The following MYOF variants were observed in gnomAD, a reference collection of about 807,000 sequenced individuals.
The protein encoded by MYOF is fer-1-like 3, myoferlin.
A neutral mutation model predicts 284.2 loss-of-function variants in MYOF; 244 were observed. That is an observed-to-expected ratio of 0.86 (90% CI 0.77 to 0.95). The LOEUF (loss-of-function observed/expected upper bound fraction) is 0.95, where lower values mean the gene tolerates loss of function less well. Ranked by LOEUF, MYOF falls within the 40% of genes least tolerant of loss-of-function variation. The probability of loss-of-function intolerance (pLI) is 0.00; values close to 1 mark genes in which losing one functional copy is unlikely to be tolerated. For missense variants in MYOF, 2,496 were observed against 2,560.6 expected (o/e 0.97, Z 0.54); for synonymous variants, 904 against 919.7 (o/e 0.98, Z 0.31).
chr10:93,389,362 C>T (rs931363345), intron 17 of MYOF, among the ~76,000 whole-genome samples: 44 of 152,160 alleles, frequency 2.9e-4, no homozygotes, highest in African/African-American at 9.6e-4. Context: ...TTGGGGGTAG[C>T]GCAGATAAAC....
chr10:93,447,336 C>T (rs111756525), intron 3 of MYOF, among the ~76,000 whole-genome samples: 2 of 152,060 alleles, frequency 1.3e-5, no homozygotes, highest in African/African-American at 4.8e-5. Flanking sequence ...CTAGTGTAAA[C>T]TGACTCAAAG....
intron 1 of MYOF, among the ~76,000 whole-genome samples, chr10:93,457,399 C>T (rs2134329385): frequency 6.6e-6 from 1 of 152,272 alleles, no homozygotes; most frequent in South Asian, 2.1e-4. Context: ...TGCTAAGATG[C>T]CAACACAGCT....
At position 93,333,768 on chromosome 10, in the gene MYOF, T is replaced by A. The variant is rs1241933640; in HGVS notation, c.4709A>T (p.Asn1570Ile). The A allele has an allele frequency of 6.2e-7, 1 of 1,614,158 alleles. No individual in the cohort carries two copies. The highest frequency in any genetic ancestry group is 1.1e-5 in the South Asian group (1 of 91,078). ...CACCCAAACTCTTACCAGGCCATTG[T>A]TGTCCTGGGGCTGGAGCTCTAAGCC... ...VRGLELQPQD[N>I]NGLCDPYIKI... The change falls in exon 42 of 54, where the codon AAC becomes ATC. Residue 1570 changes from asparagine to isoleucine, a missense_variant. By Grantham distance (149) the Asn-to-Ile change is moderately radical. Around this residue, in one of 3 missense-constraint regions of MYOF, gnomAD observed 2,436 missense variants for 2,480.7 expected, o/e 0.98. Transcript: ENST00000359263.
chr10:93,407,694 C>T (rs1053395305), intron 7 of MYOF, among the ~76,000 whole-genome samples: 1 of 146,526 alleles, frequency 6.8e-6, no homozygotes, highest in African/African-American at 2.5e-5. Context: ...GCCAACATCA[C>T]GCCACTGCAC....
chr10:93,340,224 T>C (rs1333281275), intron 38 of MYOF, 60 bp from the exon 39 acceptor site: 19 of 1,583,716 alleles, frequency 1.2e-5, no homozygotes, highest in Non-Finnish European at 1.6e-5. Context: ...CACATAGATA[T>C]GGAGACCCCA....
chr10:93,329,470 C>G (rs1295548386), intron 44 of MYOF, among the ~76,000 whole-genome samples, 194 bp downstream of exon 44: 1 of 152,228 alleles, frequency 6.6e-6, no homozygotes, highest in Non-Finnish European at 1.5e-5. Context: ...CACCATTTTA[C>G]ACACACTGTG....
intron 13 of MYOF, among the ~76,000 whole-genome samples, chr10:93,398,862 T>C (rs1479806253): frequency 6.6e-6 from 1 of 152,194 alleles, no homozygotes; most frequent in African/African-American, 2.4e-5. Flanking sequence ...CTCCAATCTT[T>C]GACCATCTCT....
At chr10:93,426,260 G>A in intron 4 of MYOF, 102 bp from the exon 5 acceptor site, 2 of 1,157,096 alleles carry the variant, frequency 1.7e-6, no homozygotes, top group African/African-American at 1.5e-5. Context: ...CTTGGAAGGG[G>A]TAAGAGAGAG....
chr10:93,346,855 G>A (rs1191608419), intron 37 of MYOF, among the ~76,000 whole-genome samples: 2 of 152,166 alleles, frequency 1.3e-5, no homozygotes, highest in Non-Finnish European at 2.9e-5. Flanking sequence ...CAGATATCTA[G>A]AACAGCACGT....
intron 40 of MYOF, among the ~76,000 whole-genome samples, chr10:93,336,751 G>T (rs185295673): frequency 2.7e-4 from 41 of 151,418 alleles, no homozygotes; most frequent in African/African-American, 9.7e-4. Context: ...GAAGGGAAGA[G>T]GATGAAGGAG....
intron 3 of MYOF, among the ~76,000 whole-genome samples, chr10:93,436,592 C>T (rs1301932696): frequency 1.3e-5 from 2 of 152,148 alleles, no homozygotes; most frequent in African/African-American, 2.4e-5. Flanking sequence ...TCAAACAGAA[C>T]TTCTAGGAGT....
chr10:93,330,224 A>G (rs1194955584), intron 43 of MYOF, among the ~76,000 whole-genome samples: 1 of 152,180 alleles, frequency 6.6e-6, no homozygotes, highest in East Asian at 1.9e-4. Flanking sequence ...AGCATCTGAC[A>G]TGAGTGCATC....
In MYOF at chr10:93,367,762, A is replaced by T. The variant is rs530242689; in HGVS notation, c.2590-1207T>A. Reference sequence around the variant, plus strand: ...GACTGGGGCAGGACAGTAAGAAAAAAGTATTCATGAGCAAGCACATGTGAA... The same window carrying T: ...GACTGGGGCAGGACAGTAAGAAAAATGTATTCATGAGCAAGCACATGTGAA... On this transcript the variant is annotated intron_variant, in intron 25 of 53. Transcript: ENST00000359263. 2.6e-5 allele frequency among the ~76,000 whole-genome samples: 4 copies of T among 152,064 alleles called. No individual in the cohort carries two copies. The South Asian group carries it at 8.3e-4, about 32-fold the overall frequency.
At chr10:93,402,734 T>C (rs961633717) in intron 10 of MYOF, 126 bp downstream of exon 10, 2 of 816,330 alleles carry the variant, frequency 2.4e-6, no homozygotes, top group Admixed American at 2.9e-5. Context: ...AAGAAAATAT[T>C]TTTTAAAAAA....
chr10:93,368,494 TTCA>T (rs1845427461), intron 25 of MYOF, among the ~76,000 whole-genome samples: 2 of 152,330 alleles, frequency 1.3e-5, no homozygotes, highest in East Asian at 3.9e-4. Flanking sequence ...GCTTGGCTTC[TTCA>T]TCATCTTCAG....
intron 38 of MYOF, 100 bp from the exon 39 acceptor site, chr10:93,340,264 A>C: frequency 8.1e-7 from 1 of 1,232,658 alleles, no homozygotes; most frequent in East Asian, 2.4e-5. Context: ...GAAAGAAGCA[A>C]AAATTATTAT....
chr10:93,463,545 G>A (rs60960184), intron 1 of MYOF, among the ~76,000 whole-genome samples: 3 of 151,482 alleles, frequency 2.0e-5, no homozygotes, highest in African/African-American at 7.3e-5. Context: ...GATTACAGGT[G>A]CCCACCACCA....
chr10:93,379,366 C>A (rs1258662454), intron 21 of MYOF, among the ~76,000 whole-genome samples: 1 of 152,114 alleles, frequency 6.6e-6, no homozygotes, highest in African/African-American at 2.4e-5. Flanking sequence ...CTTTTTAATC[C>A]TCCCCTCTTC....
chr10:93,343,716 T>C, intron 38 of MYOF, 140 bp downstream of exon 38: 2 of 809,522 alleles, frequency 2.5e-6, no homozygotes, highest in Non-Finnish European at 4.1e-6. Flanking sequence ...GACTCTTGTC[T>C]GTACTCAGTC....
Sources: gnomAD v4.1 joint callset for allele counts (sites outside exome capture counted in the v4.1 genomes callset) on GRCh38, gnomAD v4.1.1 for gene constraint, gnomAD v4.1.1 regional missense constraint, MANE v1.5 for transcripts, NCBI Gene and HGNC (gene_info 2026-07-23, HGNC 2026-07-21) for gene names.